The following CIAO2A variants were observed in gnomAD, a reference collection of about 807,000 sequenced individuals.
CIAO2A encodes MIP18 family protein FAM96A.
Under a neutral mutation model 22.4 loss-of-function variants are expected in CIAO2A, and 17 were observed. The ratio of observed to expected loss-of-function variants is 0.76; its 90% CI spans 0.52 to 1.14. CIAO2A has a LOEUF of 1.14. Among genes scored for constraint, CIAO2A ranks in the 50% most tolerant of loss-of-function variants. The pLI is 0.00. For synonymous variants in CIAO2A, 74 were observed against 72.3 expected, an observed-to-expected ratio of 1.02 and a Z score of -0.12; for missense variants, 192 against 191.4, an observed-to-expected ratio of 1.00 and a Z score of -0.02.
chr15:64,076,768 A>G (rs2080720548), intron 3 of CIAO2A, among the ~76,000 whole-genome samples: 1 of 137,508 alleles, frequency 7.3e-6, no homozygotes, highest in Non-Finnish European at 1.5e-5. Context: ...TCTGTCGCCT[A>G]GGCTGGAGTG....
chr15:64,081,185 T>G, intron 2 of CIAO2A, 34 bp from the exon 3 acceptor site: 1 of 1,594,048 alleles, frequency 6.3e-7, no homozygotes, highest in Non-Finnish European at 8.6e-7. Flanking sequence ...CAATTATCTC[T>G]TTATTGCTTC....
At chr15:64,093,596 C>T (rs1380497744) in intron 1 of CIAO2A, 49 bp downstream of exon 1, 3 of 1,576,832 alleles carry the variant, frequency 1.9e-6, no homozygotes, top group Non-Finnish European at 2.6e-6. Flanking sequence ...CCCCTCAGCT[C>T]CGGCCTGCAC....
At chr15:64,077,094 C>A (rs1299286067) in intron 3 of CIAO2A, among the ~76,000 whole-genome samples, 1 of 152,122 alleles carries the variant, frequency 6.6e-6, no homozygotes, top group Non-Finnish European at 1.5e-5. Context: ...AGGCGGATCA[C>A]GAGGTCAGGA....
chr15:64,088,962 G>T, intron 1 of CIAO2A, 111 bp from the exon 2 acceptor site: 1 of 921,032 alleles, frequency 1.1e-6, no homozygotes, highest in Non-Finnish European at 1.6e-6. Context: ...TAAGCAAATA[G>T]TACAGCAACT....
At chr15:64,089,173 C>A (rs541699095) in intron 1 of CIAO2A, among the ~76,000 whole-genome samples, 1 of 152,022 alleles carries the variant, frequency 6.6e-6, no homozygotes, top group African/African-American at 2.4e-5. Context: ...TTTATAGGAG[C>A]GGAATCTGAA....
intron 3 of CIAO2A, among the ~76,000 whole-genome samples, chr15:64,079,629 T>C (rs1287426003): frequency 1.3e-5 from 2 of 152,144 alleles, no homozygotes. Context: ...AGCAGCCAGG[T>C]AGAGAAGGCA....
chr15:64,078,680 C>T (rs2080738337), intron 3 of CIAO2A, among the ~76,000 whole-genome samples: 1 of 149,556 alleles, frequency 6.7e-6, no homozygotes, highest in Non-Finnish European at 1.5e-5. Context: ...GTTGACAGTC[C>T]AGGAGGGAAG....
intron 3 of CIAO2A, among the ~76,000 whole-genome samples, chr15:64,076,033 C>A (rs2080715106): frequency 6.6e-6 from 1 of 151,746 alleles, no homozygotes; most frequent in Admixed American, 6.6e-5. Context: ...AAAAAAAGGA[C>A]TGAAATGAGT....
chr15:64,077,145 T>C (rs1019457675), intron 3 of CIAO2A, among the ~76,000 whole-genome samples: 2 of 151,942 alleles, frequency 1.3e-5, no homozygotes, highest in African/African-American at 4.8e-5. Context: ...ACCCCAACTC[T>C]ACTAAAAATA....
In CIAO2A at chr15:64,093,765, G is replaced by T. The variant is rs200860299; in HGVS notation, c.4C>A (p.Gln2Lys). 1.2e-6 allele frequency: 2 copies of T among 1,609,960 alleles called. No individual in the cohort carries two copies. Among genetic ancestry groups the T allele is most frequent in the Non-Finnish European group, 1.7e-6 (2 of 1,176,604 alleles). Residue 2 changes from glutamine to lysine, a missense_variant, in exon 1 of 5, where the codon CAG becomes AAG. Physicochemically the swap from Gln to Lys is moderately conservative, Grantham distance 53. Coordinates refer to ENST00000300030, the MANE Select transcript of CIAO2A (RefSeq NM_032231.7). M[Q>K]RVSGLLSWTL... ...CAGGAGAGCAGCCCGGACACCCGCT[G>T]CATCTTCACGCTCAGCCATCCCTGG...
chr15:64,093,344 G>A (rs1398574750), intron 1 of CIAO2A, among the ~76,000 whole-genome samples: 1 of 152,118 alleles, frequency 6.6e-6, no homozygotes, highest in African/African-American at 2.4e-5. Context: ...CACAAGTCTT[G>A]GAATGGTTAC....
intron 1 of CIAO2A, 141 bp downstream of exon 1, chr15:64,093,504 G>T: frequency 4.8e-6 from 5 of 1,041,140 alleles, no homozygotes; most frequent in African/African-American, 1.6e-5. Flanking sequence ...CCCCGGACAA[G>T]ATCTGGCCAA....
At chr15:64,082,916 T>C (rs1284822162) in intron 2 of CIAO2A, among the ~76,000 whole-genome samples, 1 of 152,100 alleles carries the variant, frequency 6.6e-6, no homozygotes, top group African/African-American at 2.4e-5. Context: ...GGCATTATAG[T>C]ATCAGCTGGG....
At position 64,086,612 on chromosome 15, in the gene CIAO2A, G is replaced by A. The variant is rs1035115105; in HGVS notation, c.289+2075C>T. Among the ~76,000 whole-genome samples the A allele has an allele frequency of 5.3e-5, 4 of 74,942 alleles. No individual in the cohort carries two copies. In the Admixed American group the frequency reaches 8.8e-4, roughly 16 times the overall value. 49.2% of individuals were successfully genotyped at this position (74,942 alleles called of 152,430 possible). ...TTCAGTAATGCTTTTTCTAGCAATG[G>A]GATTTTTTTTTTTTTTTTTGAGACA... On this transcript the variant is annotated intron_variant, in intron 2 of 4. Transcript: ENST00000300030.
intron 1 of CIAO2A, among the ~76,000 whole-genome samples, chr15:64,090,720 G>A (rs1263611807): frequency 6.6e-6 from 1 of 152,216 alleles, no homozygotes; most frequent in African/African-American, 2.4e-5. Flanking sequence ...CTTGCAAAAG[G>A]GGAAGCAAGT....
Position 64,072,907 on chromosome 15 carries a change from G to C in CIAO2A, c.*24C>G. The C allele has an allele frequency of 2.8e-6, 4 of 1,447,562 alleles. No homozygotes were observed. The highest frequency in any genetic ancestry group is 3.9e-6 in the Non-Finnish European group (4 of 1,030,642). 89.7% of individuals were successfully genotyped at this position (1,447,562 alleles called of 1,614,324 possible). On this transcript the variant is annotated 3_prime_UTR_variant, in exon 5 of 5. Coordinates refer to ENST00000300030, the MANE Select transcript of CIAO2A (RefSeq NM_032231.7). ...TAAACAAATATATCAAACAATTACAGGCCAGTGGCTCTTAAAACAGCTATC... is the reference window on the plus strand; with the variant it reads ...TAAACAAATATATCAAACAATTACACGCCAGTGGCTCTTAAAACAGCTATC...
chr15:64,085,034 G>GCGAGCCAAGAA (rs2080783137), intron 2 of CIAO2A, among the ~76,000 whole-genome samples: 1 of 54,910 alleles, frequency 1.8e-5, no homozygotes, highest in Non-Finnish European at 5.3e-5. Context: ...GGAAGCTCCA[G>GCGAGCCAAGAA]TGGCCACTAC....
rs1422377458 is a variant in CIAO2A at position 64,093,709 on chromosome 15, G to A, written c.60C>T (p.Gly20=). 6.2e-7 allele frequency: 1 copy of A among 1,614,048 alleles called. No homozygotes were observed. Among genetic ancestry groups the A allele is most frequent in the Admixed American group, 1.7e-5 (1 of 60,024 alleles). The change falls in exon 1 of 5, where the codon GGC becomes GGT. Residue 20 remains glycine, a synonymous_variant. Coordinates refer to ENST00000300030, the MANE Select transcript of CIAO2A (RefSeq NM_032231.7). The part of the protein sequence containing the change: ...WTLSRVLWLS[G]LSEPGAARQP... ...GCCGGGCAGCTCCCGGCTCAGAGAG[G>A]CCGGAGAGCCACAGGACTCTGCTCA...
At chr15:64,077,803 G>T (rs1363128889) in intron 3 of CIAO2A, among the ~76,000 whole-genome samples, 4 of 152,176 alleles carry the variant, frequency 2.6e-5, no homozygotes, top group Admixed American at 2.6e-4. Flanking sequence ...CCAGGAGGAG[G>T]GACCGCCATG....
Sources: allele counts gnomAD v4.1 joint callset (sites outside exome capture counted in the v4.1 genomes callset), GRCh38; gene constraint gnomAD v4.1.1; transcripts MANE v1.5; gene names NCBI Gene and HGNC (gene_info 2026-07-23, HGNC 2026-07-21).